TNIK: variants seen among roughly 807,000 people sequenced by gnomAD.
TNIK encodes TRAF2 and NCK interacting kinase.
TNIK carries 49 observed loss-of-function variants against 191.3 expected under a neutral mutation model. That is an observed-to-expected ratio of 0.26 (90% CI 0.20 to 0.32). TNIK has a LOEUF of 0.32. Ranked by LOEUF, TNIK falls within the 10% of genes least tolerant of loss-of-function variation. The pLI, the probability that TNIK is intolerant of heterozygous loss-of-function variation, is 1.00. For synonymous variants in TNIK, 594 were observed against 600.9 expected, an observed-to-expected ratio of 0.99 and a Z score of 0.17; for missense variants, 1,155 against 1,702.3, an observed-to-expected ratio of 0.68 and a Z score of 5.66.
At chr3:171,126,744 G>A (rs536765824) in intron 16 of TNIK, among the ~76,000 whole-genome samples, 1 of 152,294 alleles carries the variant, frequency 6.6e-6, no homozygotes, top group Non-Finnish European at 1.5e-5. Flanking sequence ...TAACCTCTAT[G>A]ATATTCTACT....
At chr3:171,240,285 T>G (rs983782544) in intron 2 of TNIK, among the ~76,000 whole-genome samples, 1 of 152,180 alleles carries the variant, frequency 6.6e-6, no homozygotes, top group African/African-American at 2.4e-5. Context: ...ATTGACTATC[T>G]GTAGCTAGAG....
In TNIK at chr3:171,449,313, T is replaced by C. The variant is rs148977256; in HGVS notation, c.57+10694A>G. ...AAATGGTATTTCTGGTTCTAGATCT[T>C]TGAGGAATCGCCACACCGTCTTCCA... On this transcript the variant is annotated intron_variant, in intron 1 of 32. Transcript: ENST00000436636. 7.7e-3 allele frequency among the ~76,000 whole-genome samples: 1,172 copies of C among 152,306 alleles called. 17 individuals carry two copies. The highest frequency in any genetic ancestry group is 0.027 in the African/African-American group (1,138 of 41,554).
intron 2 of TNIK, among the ~76,000 whole-genome samples, chr3:171,368,276 T>C (rs1006639422): frequency 2.6e-5 from 4 of 152,216 alleles, no homozygotes; most frequent in Admixed American, 2.6e-4. Context: ...ACCAACAGCA[T>C]GCTACAGAGT....
chr3:171,297,017 A>G (rs1019310116), intron 2 of TNIK, among the ~76,000 whole-genome samples: 10 of 152,134 alleles, frequency 6.6e-5, no homozygotes, highest in Non-Finnish European at 1.3e-4. Context: ...CAAGAAATCA[A>G]ATTCCCTGAT....
intron 2 of TNIK, among the ~76,000 whole-genome samples, chr3:171,360,864 T>G (rs1482657355): frequency 6.6e-6 from 1 of 152,244 alleles, no homozygotes; most frequent in Non-Finnish European, 1.5e-5. Context: ...CTGTGGTGCA[T>G]GGAATACAAC....
chr3:171,218,380 C>CA (rs1258518274), intron 3 of TNIK, among the ~76,000 whole-genome samples: 1 of 152,100 alleles, frequency 6.6e-6, no homozygotes, highest in Non-Finnish European at 1.5e-5. Context: ...TAACAAGACC[C>CA]AAACTCAAGT....
chr3:171,208,321 T>TA (rs1285893967), intron 4 of TNIK, among the ~76,000 whole-genome samples: 2 of 150,782 alleles, frequency 1.3e-5, no homozygotes, highest in East Asian at 1.9e-4. Context: ...ACCCTGTCTC[T>TA]AAAAAAAATG....
At chr3:171,242,324 C>T (rs899361263) in intron 2 of TNIK, among the ~76,000 whole-genome samples, 17 of 152,192 alleles carry the variant, frequency 1.1e-4, no homozygotes, top group Non-Finnish European at 2.2e-4. Flanking sequence ...CCTTCCTCCT[C>T]TTCCTCATTT....
intron 9 of TNIK, among the ~76,000 whole-genome samples, chr3:171,169,879 G>T (rs1385305354): frequency 3.9e-5 from 6 of 152,204 alleles, no homozygotes; most frequent in African/African-American, 1.4e-4. Context: ...GAACTACAAA[G>T]CTGGTAATAT....
chr3:171,400,313 C>A (rs967876909), intron 1 of TNIK, among the ~76,000 whole-genome samples: 2 of 152,006 alleles, frequency 1.3e-5, no homozygotes, highest in Admixed American at 6.6e-5. Context: ...ACCTGTAATC[C>A]CAACACTTTG....
intron 2 of TNIK, among the ~76,000 whole-genome samples, chr3:171,329,217 G>A (rs546510525): frequency 1.3e-4 from 19 of 151,920 alleles, no homozygotes; most frequent in Middle Eastern, 3.4e-3. Context: ...CATAATGCCT[G>A]GTCCCTACTA....
intron 2 of TNIK, among the ~76,000 whole-genome samples, chr3:171,258,365 CCTA>C (rs1158541531): frequency 6.6e-6 from 1 of 152,102 alleles, no homozygotes; most frequent in Non-Finnish European, 1.5e-5. Flanking sequence ...TAATGATTTC[CCTA>C]CTGACCTGAA....
At chr3:171,103,227 G>T (rs1157520085) in intron 21 of TNIK, among the ~76,000 whole-genome samples, 1 of 151,954 alleles carries the variant, frequency 6.6e-6, no homozygotes, top group Non-Finnish European at 1.5e-5. Context: ...CCTCAATCTC[G>T]GTGAATGTAT....
intron 4 of TNIK, among the ~76,000 whole-genome samples, chr3:171,205,500 T>C (rs1319195336): frequency 6.6e-6 from 1 of 152,128 alleles, no homozygotes; most frequent in Non-Finnish European, 1.5e-5. Flanking sequence ...TGAAGTGGGG[T>C]AAGTTGAATG....
In TNIK at chr3:171,087,456, A is replaced by T. The variant is rs373326278; in HGVS notation, c.2772T>A (p.Ala924=). The T allele has an allele frequency of 6.2e-5, 100 of 1,613,948 alleles. No homozygotes were observed. In the African/African-American group the frequency reaches 1.2e-3, roughly 20 times the overall value. Residue 924 remains alanine, a synonymous_variant, in exon 24 of 33, where the codon GCT becomes GCA. Coordinates refer to ENST00000436636, the MANE Select transcript of TNIK (RefSeq NM_015028.4). ...CCAGGTCAGGGAGGTTGATGTGGCCAGCAAAGCCATTGCTGTCACTGTGGC... is the reference window on the plus strand; with the variant it reads ...CCAGGTCAGGGAGGTTGATGTGGCCTGCAAAGCCATTGCTGTCACTGTGGC... The part of the protein sequence containing the change: ...RSGHSDSNGF[A]GHINLPDLVQ...
At chr3:171,329,590 T>C (rs1226323038) in intron 2 of TNIK, among the ~76,000 whole-genome samples, 1 of 152,188 alleles carries the variant, frequency 6.6e-6, no homozygotes, top group Non-Finnish European at 1.5e-5. Context: ...AAGCACATAG[T>C]GTGCCCCACT....
chr3:171,363,558 A>G (rs973605886), intron 2 of TNIK, among the ~76,000 whole-genome samples: 5 of 152,140 alleles, frequency 3.3e-5, no homozygotes, highest in Admixed American at 2.0e-4. Context: ...TCCCATACTC[A>G]CTCCTTGCCA....
At chr3:171,121,217 A>G (rs1449934263) in intron 18 of TNIK, among the ~76,000 whole-genome samples, 1 of 152,214 alleles carries the variant, frequency 6.6e-6, no homozygotes, top group Non-Finnish European at 1.5e-5. Flanking sequence ...AACACCTTTT[A>G]AAGTGGCTTT....
chr3:171,389,348 T>C (rs1719155093), intron 1 of TNIK, among the ~76,000 whole-genome samples: 1 of 152,210 alleles, frequency 6.6e-6, no homozygotes, highest in Non-Finnish European at 1.5e-5. Flanking sequence ...CAAGTCTGTG[T>C]CAGCAACCAT....
Sources: gnomAD v4.1 joint callset for allele counts (sites outside exome capture counted in the v4.1 genomes callset) on GRCh38, gnomAD v4.1.1 for gene constraint, MANE v1.5 for transcripts, NCBI Gene and HGNC (gene_info 2026-07-23, HGNC 2026-07-21) for gene names.